Variants in RFX6 observed in about 807,000 individuals in gnomAD.
The protein encoded by RFX6 is regulatory factor X6, also known as DNA-binding protein RFX6.
In RFX6, 50 loss-of-function variants were observed where a neutral mutation model predicts 110.8. The ratio of observed to expected loss-of-function variants is 0.45; its 90% CI spans 0.36 to 0.57. RFX6 has a LOEUF of 0.57. Among genes scored for constraint, RFX6 ranks in the 20% least tolerant of loss-of-function variants. The pLI is 0.00. For synonymous variants in RFX6, 383 were observed against 411.2 expected (o/e 0.93, Z 0.83); for missense variants, 990 against 1,127.0 (o/e 0.88, Z 1.74).
intron 7 of RFX6, among the ~76,000 whole-genome samples, chr6:116,911,853 T>G (rs547280651): frequency 1.3e-5 from 2 of 152,324 alleles, no homozygotes; most frequent in African/African-American, 4.8e-5. Flanking sequence ...GATGCTTTAC[T>G]TTAGTAATGG....
intron 12 of RFX6, among the ~76,000 whole-genome samples, chr6:116,921,673 T>C (rs1775598394): frequency 6.6e-6 from 1 of 151,410 alleles, no homozygotes; most frequent in African/African-American, 2.4e-5. Flanking sequence ...TTTTTTTTAA[T>C]TTAGGCAGGC....
intron 12 of RFX6, 111 bp from the exon 13 acceptor site, chr6:116,921,931 T>C (rs1775606784): frequency 9.0e-6 from 6 of 667,182 alleles, no homozygotes; most frequent in Non-Finnish European, 1.6e-5. Context: ...GTCTTTCCCT[T>C]TCATGCTATC....
rs1337247010 is a variant in RFX6 at position 116,927,379 on chromosome 6, G to A, written c.2238G>A (p.Gly746=). 5 of 1,613,860 alleles carry A rather than the reference G, an allele frequency of 3.1e-6. No homozygotes were observed. The highest frequency in any genetic ancestry group is 4.2e-6 in the Non-Finnish European group (5 of 1,179,910). The part of the protein sequence containing the change: ...SRDFFSGSCA[G]SPYNSRPPSS... The stretch of plus-strand genomic sequence containing the variant: ...ACTTCTTCAGTGGCAGCTGTGCGGG[G>A]TCTCCATATAACTCCCGGCCACCGT... The change falls in exon 17 of 19, where the codon GGG becomes GGA. Residue 746 remains glycine (G), a synonymous_variant. Transcript: ENST00000332958.
Position 116,925,678 on chromosome 6 carries a change from C to A in RFX6, c.1885+19C>A. On this transcript the variant is annotated intron_variant, in intron 16 of 18. Transcript: ENST00000332958. Reference sequence around the variant, plus strand: ...CTCACAGGTACGCTAAAGAGAACTGCTTAGGCTCCAGCACATCTCAGAGAA... The same window carrying A: ...CTCACAGGTACGCTAAAGAGAACTGATTAGGCTCCAGCACATCTCAGAGAA... 1 of 1,567,126 alleles carries A rather than the reference C, an allele frequency of 6.4e-7. No homozygotes were observed. The highest frequency in any genetic ancestry group is 8.8e-7 in the Non-Finnish European group (1 of 1,138,522).
intron 4 of RFX6, among the ~76,000 whole-genome samples, chr6:116,883,994 C>A (rs1022089565): frequency 6.6e-6 from 1 of 152,148 alleles, no homozygotes; most frequent in Non-Finnish European, 1.5e-5. Context: ...AGTCCAAGTT[C>A]ATTTTACTAT....
At position 116,882,480 on chromosome 6, in the gene RFX6, C is replaced by T. The variant is rs557755133; in HGVS notation, c.566+52C>T. 16 of 1,264,388 alleles carry T rather than the reference C, an allele frequency of 1.3e-5. No individual in the cohort carries two copies. The African/African-American group carries it at 2.2e-4, about 18-fold the overall frequency. 78.3% of individuals were successfully genotyped at this position (1,264,388 alleles called of 1,614,324 possible). ...TTCTGCTCTTGTGCATGAAGATTGA[C>T]ACAGATGTAAAATAAGTATTGTCTT... is the stretch of plus-strand genomic sequence containing the variant. On this transcript the variant is annotated intron_variant, in intron 4 of 18. Coordinates refer to ENST00000332958, the MANE Select transcript of RFX6 (RefSeq NM_173560.4).
intron 6 of RFX6, among the ~76,000 whole-genome samples, chr6:116,907,077 A>G (rs1775220064): frequency 6.6e-6 from 1 of 151,916 alleles, no homozygotes. Flanking sequence ...GTTATCATGA[A>G]AGGATATGGA....
At chr6:116,900,779 T>C (rs1366535753) in intron 6 of RFX6, among the ~76,000 whole-genome samples, 2 of 152,186 alleles carry the variant, frequency 1.3e-5, no homozygotes, top group Non-Finnish European at 2.9e-5. Flanking sequence ...TAATTTATTG[T>C]ACTTTTGTGT....
chr6:116,891,674 C>A (rs1774834027), intron 4 of RFX6, among the ~76,000 whole-genome samples: 1 of 152,146 alleles, frequency 6.6e-6, no homozygotes, highest in South Asian at 2.1e-4. Flanking sequence ...CAGACTCTGG[C>A]TTATTAACTA....
Position 116,927,175 on chromosome 6 carries a change from C to T in RFX6, c.2034C>T (p.Cys678=), listed in dbSNP as rs1452456094. Residue 678 remains cysteine (C), a synonymous_variant, in exon 17 of 19, where the codon TGC becomes TGT. Transcript: ENST00000332958. ...CAGTACTGTCAGCTCCATCACACTG[C>T]TCCACATACCCAGAGCCCATTTATC... ...VGPVLSAPSH[C]STYPEPIYPT... 1 of 1,614,154 alleles carries T rather than the reference C, an allele frequency of 6.2e-7. No individual in the cohort carries two copies. The highest frequency in any genetic ancestry group is 8.5e-7 in the Non-Finnish European group (1 of 1,180,022).
intron 4 of RFX6, among the ~76,000 whole-genome samples, chr6:116,887,768 C>T (rs985349408): frequency 5.9e-5 from 9 of 152,292 alleles, no homozygotes; most frequent in Admixed American, 2.0e-4. Context: ...CGCTACTCAT[C>T]TTAATTATTT....
Position 116,927,391 on chromosome 6 carries a change from C to T in RFX6, c.2250C>T (p.Asn750=), listed in dbSNP as rs137949037. The T allele has an allele frequency of 6.6e-5, 106 of 1,613,986 alleles. No homozygotes were observed. Among genetic ancestry groups the T allele is most frequent in the Admixed American group, 1.0e-4 (6 of 60,002 alleles). The change falls in exon 17 of 19, where the codon AAC becomes AAT. Residue 750 remains asparagine (N), a synonymous_variant. Coordinates refer to ENST00000332958, the MANE Select transcript of RFX6 (RefSeq NM_173560.4). ...FSGSCAGSPY[N]SRPPSSYGPS... Reference sequence around the variant, plus strand: ...GCAGCTGTGCGGGGTCTCCATATAACTCCCGGCCACCGTCTAGCTATGGCC... The same window carrying T: ...GCAGCTGTGCGGGGTCTCCATATAATTCCCGGCCACCGTCTAGCTATGGCC...
At chr6:116,896,646 T>C (rs1774953352) in intron 6 of RFX6, among the ~76,000 whole-genome samples, 1 of 152,204 alleles carries the variant, frequency 6.6e-6, no homozygotes, top group African/African-American at 2.4e-5. Flanking sequence ...GCTCGGAGGT[T>C]GCAGTGAGCC....
At chr6:116,902,394 TA>T (rs973738216) in intron 6 of RFX6, among the ~76,000 whole-genome samples, 2 of 151,744 alleles carry the variant, frequency 1.3e-5, no homozygotes, top group Non-Finnish European at 2.9e-5. Flanking sequence ...AAAAACAAAA[TA>T]AAAAACAGGA....
chr6:116,920,305 T>G lies in RFX6; in HGVS notation c.1183-5T>G, dbSNP rs200284797. The G allele has an allele frequency of 6.2e-7, 1 of 1,608,466 alleles. No homozygotes were observed. The highest frequency in any genetic ancestry group is 8.5e-7 in the Non-Finnish European group (1 of 1,174,984). Reference sequence around the variant, plus strand: ...TGTAGTGTCTTCTTTACTTTCTCTATGCAGATTGCCAGACCAGCTCTCTTT... The same window carrying G: ...TGTAGTGTCTTCTTTACTTTCTCTAGGCAGATTGCCAGACCAGCTCTCTTT... On this transcript the variant is annotated splice_region_variant and splice_polypyrimidine_tract_variant and intron_variant, in intron 11 of 18. Coordinates refer to ENST00000332958, the MANE Select transcript of RFX6 (RefSeq NM_173560.4).
chr6:116,882,502 T>G lies in RFX6; in HGVS notation c.566+74T>G. On this transcript the variant is annotated intron_variant, in intron 4 of 18. Coordinates refer to ENST00000332958, the MANE Select transcript of RFX6 (RefSeq NM_173560.4). Reference sequence around the variant, plus strand: ...TGACACAGATGTAAAATAAGTATTGTCTTTGTCAGTACAAAGAGAACCAGG... The same window carrying G: ...TGACACAGATGTAAAATAAGTATTGGCTTTGTCAGTACAAAGAGAACCAGG... 4 of 1,071,930 alleles carry G rather than the reference T, an allele frequency of 3.7e-6. No homozygotes were observed. In the South Asian group the frequency reaches 3.8e-5, roughly 10 times the overall value. 66.4% of individuals were successfully genotyped at this position (1,071,930 alleles called of 1,614,324 possible).
intron 7 of RFX6, among the ~76,000 whole-genome samples, chr6:116,914,677 T>C (rs1012784485): frequency 2.0e-5 from 3 of 152,154 alleles, no homozygotes; most frequent in African/African-American, 7.2e-5. Flanking sequence ...AGCTCTAAGC[T>C]AAACCACAAA....
intron 6 of RFX6, among the ~76,000 whole-genome samples, chr6:116,905,164 C>T (rs1775169895): frequency 6.6e-6 from 1 of 152,150 alleles, no homozygotes; most frequent in Non-Finnish European, 1.5e-5. Flanking sequence ...CCAATTTTTT[C>T]ACATCCTTGA....
intron 6 of RFX6, 109 bp downstream of exon 6, chr6:116,895,316 TTAGGAA>T: frequency 1.5e-6 from 1 of 664,470 alleles, no homozygotes; most frequent in Non-Finnish European, 2.7e-6. Context: ...ATGTTATTTA[TTAGGAA>T]TTCCTTGACG....
Sources: gnomAD v4.1 joint callset for allele counts (sites outside exome capture counted in the v4.1 genomes callset) on GRCh38, gnomAD v4.1.1 for gene constraint, MANE v1.5 for transcripts, NCBI Gene and HGNC (gene_info 2026-07-23, HGNC 2026-07-21) for gene names.